The following B3GLCT variants were observed in gnomAD, a reference collection of about 807,000 sequenced individuals.
The protein encoded by B3GLCT is beta 3-glucosyltransferase.
In B3GLCT, 65 loss-of-function variants were observed where a neutral mutation model predicts 63.4. The ratio of observed to expected loss-of-function variants is 1.03; its 90% confidence interval spans 0.84 to 1.26. The LOEUF (loss-of-function observed/expected upper bound fraction) is 1.26. Ranked by LOEUF, B3GLCT falls within the 50% of genes most tolerant of loss-of-function variation. The pLI, the probability that B3GLCT is intolerant of heterozygous loss-of-function variation, is 0.00. For missense variants in B3GLCT, 577 were observed against 604.8 expected (o/e 0.95, Z 0.48); for synonymous variants, 233 against 219.2 (o/e 1.06, Z -0.55).
chr13:31,206,631 G>A (rs1320360381), intron 1 of B3GLCT, among the ~76,000 whole-genome samples: 1 of 149,928 alleles, frequency 6.7e-6, no homozygotes, highest in Non-Finnish European at 1.5e-5. Flanking sequence ...GCGGGTGCTT[G>A]TAATCCCAGC....
chr13:31,218,751 G>A (rs144327557), intron 2 of B3GLCT, among the ~76,000 whole-genome samples: 1,902 of 152,254 alleles, frequency 0.012, 43 homozygotes, highest in African/African-American at 0.044. Context: ...AGTGGTGAGA[G>A]TGGGCATCCT....
chr13:31,221,463 G>C (rs1201868006), intron 2 of B3GLCT, among the ~76,000 whole-genome samples: 1 of 152,230 alleles, frequency 6.6e-6, no homozygotes, highest in Non-Finnish European at 1.5e-5. Context: ...GAACTTTCCA[G>C]TCTTTTTTAG....
intron 13 of B3GLCT, among the ~76,000 whole-genome samples, chr13:31,320,588 G>T (rs528210546): frequency 5.1e-4 from 78 of 152,230 alleles, no homozygotes; most frequent in Middle Eastern, 6.8e-3. Flanking sequence ...TGTTACCATG[G>T]CATGAAAGTC....
intron 5 of B3GLCT, 137 bp downstream of exon 5, chr13:31,247,236 ACTAC>A: frequency 1.4e-6 from 1 of 704,572 alleles, no homozygotes; most frequent in Non-Finnish European, 2.5e-6. Flanking sequence ...TTTTATGATT[ACTAC>A]CTTAACCAAA....
chr13:31,251,292 A>C (rs989895085), intron 6 of B3GLCT, among the ~76,000 whole-genome samples: 4 of 152,210 alleles, frequency 2.6e-5, no homozygotes, highest in Admixed American at 2.0e-4. Flanking sequence ...AATCCCAAAA[A>C]CCAGAACACC....
intron 4 of B3GLCT, among the ~76,000 whole-genome samples, chr13:31,235,401 T>C (rs1870597680): frequency 6.6e-6 from 1 of 152,024 alleles, no homozygotes; most frequent in Non-Finnish European, 1.5e-5. Flanking sequence ...GGGGAAGCCA[T>C]GGGCCCTGCG....
intron 8 of B3GLCT, among the ~76,000 whole-genome samples, chr13:31,273,042 C>T (rs1489071482): frequency 6.6e-6 from 1 of 151,940 alleles, no homozygotes; most frequent in African/African-American, 2.4e-5. Flanking sequence ...TCTAGGTTGC[C>T]AGTCATTTTC....
At chr13:31,295,116 C>T (rs1169894435) in intron 12 of B3GLCT, among the ~76,000 whole-genome samples, 1 of 152,168 alleles carries the variant, frequency 6.6e-6, no homozygotes, top group African/African-American at 2.4e-5. Flanking sequence ...CACTCCAGAC[C>T]CCATCTGCCT....
chr13:31,316,702 T>G (rs1317223230), intron 12 of B3GLCT, among the ~76,000 whole-genome samples: 1 of 151,970 alleles, frequency 6.6e-6, no homozygotes, highest in African/African-American at 2.4e-5. Flanking sequence ...TTCTAATTGG[T>G]GTAGGTTCTT....
rs140929766 is a variant in B3GLCT, at chr13:31,313,225, G to C, written c.1065-4341G>C. On this transcript the variant is annotated intron_variant, in intron 12 of 14. Transcript: ENST00000343307. ...ACCCATCCCTCCCACCAAAAAATGA[G>C]ACCAGAACTGTTAATGTTACTATTG... 2.6e-3 allele frequency among the ~76,000 whole-genome samples: 393 copies of C among 152,284 alleles called. 2 individuals carry two copies. The highest frequency in any genetic ancestry group is 9.1e-3 in the African/African-American group (379 of 41,552).
chr13:31,273,111 G>A (rs1872641094), intron 8 of B3GLCT, among the ~76,000 whole-genome samples: 1 of 151,836 alleles, frequency 6.6e-6, no homozygotes, highest in Non-Finnish European at 1.5e-5. Flanking sequence ...TTTCTTTTGA[G>A]ACAGAGTCTC....
chr13:31,235,240 CT>C (rs1385668470), intron 4 of B3GLCT, among the ~76,000 whole-genome samples: 2 of 151,998 alleles, frequency 1.3e-5, no homozygotes, highest in Non-Finnish European at 2.9e-5. Flanking sequence ...GTGATGATGA[CT>C]TTGGGTGTCA....
At chr13:31,246,458 T>G (rs1167411404) in intron 4 of B3GLCT, among the ~76,000 whole-genome samples, 3 of 152,236 alleles carry the variant, frequency 2.0e-5, no homozygotes, top group African/African-American at 7.2e-5. Flanking sequence ...TGTTATTGCC[T>G]GAGTAATTAA....
chr13:31,281,596 C>T (rs908008605), intron 10 of B3GLCT, among the ~76,000 whole-genome samples: 1 of 152,100 alleles, frequency 6.6e-6, no homozygotes, highest in African/African-American at 2.4e-5. Context: ...TGTGTTAGGG[C>T]ATCCAGGAGG....
chr13:31,236,538 C>T (rs2137785588), intron 4 of B3GLCT, among the ~76,000 whole-genome samples: 1 of 152,292 alleles, frequency 6.6e-6, no homozygotes, highest in East Asian at 1.9e-4. Context: ...GGAAGCTTCC[C>T]TTTAATTATA....
chr13:31,286,586 T>A (rs2137881026), intron 11 of B3GLCT, 134 bp from the exon 12 acceptor site: 1 of 625,466 alleles, frequency 1.6e-6, no homozygotes, highest in South Asian at 2.1e-5. Context: ...AGGCTATTTT[T>A]AAAAATTTTG....
chr13:31,317,431 T>G (rs1482502707), intron 12 of B3GLCT, 135 bp from the exon 13 acceptor site: 8 of 1,005,744 alleles, frequency 8.0e-6, no homozygotes, highest in Non-Finnish European at 1.2e-5. Flanking sequence ...ATTTTATAAG[T>G]CACTCAAATT....
At chr13:31,254,829 A>G (rs1215273716) in intron 6 of B3GLCT, among the ~76,000 whole-genome samples, 3 of 152,138 alleles carry the variant, frequency 2.0e-5, no homozygotes, top group Non-Finnish European at 4.4e-5. Flanking sequence ...AGGTGGGTGG[A>G]TCACAAGGTC....
rs537635092 is a variant in B3GLCT, at chr13:31,282,367, C to T, written c.851-2281C>T. Among the ~76,000 whole-genome samples, 10 of 152,178 alleles carry T rather than the reference C, an allele frequency of 6.6e-5. No homozygotes were observed. In the East Asian group the frequency reaches 1.2e-3, roughly 18 times the overall value. On this transcript the variant is annotated intron_variant, in intron 10 of 14. Coordinates refer to ENST00000343307, the MANE Select transcript of B3GLCT (RefSeq NM_194318.4). ...AAGAGATGACAGACAGGGCCGAGTG[C>T]GGTGGCTCATGCCTGTAATCCCAGC...
Sources: allele counts gnomAD v4.1 joint callset (sites outside exome capture counted in the v4.1 genomes callset), GRCh38; gene constraint gnomAD v4.1.1; transcripts MANE v1.5; gene names NCBI Gene and HGNC (gene_info 2026-07-23, HGNC 2026-07-21).